HERC4: variants seen among roughly 807,000 people sequenced by gnomAD.
HERC4 encodes HECT and RLD domain containing E3 ubiquitin protein ligase 4.
In HERC4, 28 loss-of-function variants were observed where a neutral mutation model predicts 124.3. The ratio of observed to expected loss-of-function variants is 0.23; its 90% confidence interval spans 0.17 to 0.31. HERC4 has a LOEUF of 0.31. Ranked by LOEUF, HERC4 falls within the 10% of genes least tolerant of loss-of-function variation. HERC4 has a pLI of 1.00. For synonymous variants in HERC4, 407 were observed against 421.5 expected (o/e 0.97, Z 0.42); for missense variants, 713 against 1,229.3 (o/e 0.58, Z 6.28).
chr10:68,006,624 C>T (rs375527797), intron 9 of HERC4, among the ~76,000 whole-genome samples: 2 of 151,962 alleles, frequency 1.3e-5, no homozygotes, highest in Non-Finnish European at 1.5e-5. Flanking sequence ...GTGATCTGCC[C>T]GCCTCAGCCT....
At chr10:68,018,669 T>C (rs1055826855) in intron 8 of HERC4, among the ~76,000 whole-genome samples, 1 of 152,144 alleles carries the variant, frequency 6.6e-6, no homozygotes, top group Non-Finnish European at 1.5e-5. Flanking sequence ...TACATGCCAG[T>C]GATTCCTCAG....
intron 15 of HERC4, among the ~76,000 whole-genome samples, chr10:67,981,979 A>G (rs2035959984): frequency 6.6e-6 from 1 of 152,188 alleles, no homozygotes. Context: ...AAGAAATTGA[A>G]GAGGACACAA....
At chr10:67,983,364 G>T (rs1474146217) in intron 15 of HERC4, among the ~76,000 whole-genome samples, 1 of 152,164 alleles carries the variant, frequency 6.6e-6, no homozygotes, top group Non-Finnish European at 1.5e-5. Context: ...CAATCCCACT[G>T]CTGAGGAGCT....
intron 9 of HERC4, chr10:68,010,688 C>A: frequency 6.8e-7 from 1 of 1,479,672 alleles, no homozygotes; most frequent in African/African-American, 1.4e-5. Context: ...GCGCCGCTTA[C>A]ACATGTTCTT....
rs979940510 is a variant in HERC4 at position 67,988,645 on chromosome 10, A to G, written c.1806+18T>C. 7.0e-7 allele frequency: 1 copy of G among 1,431,934 alleles called. No individual in the cohort carries two copies. The allele number at this position is 1,431,934 out of a possible 1,614,324, so 88.7% of individuals were successfully genotyped here. On this transcript the variant is annotated intron_variant, in intron 15 of 24. Transcript: ENST00000373700. ...TAGGAATGGGGAAAGAGGAAAATAA[A>G]GGAATGATTGGACATACCCTATGTA...
chr10:68,069,492 G>C (rs2041462720), intron 3 of HERC4: 10 of 985,294 alleles, frequency 1.0e-5, no homozygotes, highest in Admixed American at 6.1e-5. Flanking sequence ...AAATCTTTCT[G>C]TGTGGTCCCT....
At chr10:68,012,607 C>T (rs2038027465) in intron 9 of HERC4, among the ~76,000 whole-genome samples, 1 of 151,984 alleles carries the variant, frequency 6.6e-6, no homozygotes, top group South Asian at 2.1e-4. Context: ...TCATGGCACC[C>T]CAAAACAATT....
At chr10:67,954,822 CTA>C in intron 18 of HERC4, 84 bp from the exon 19 acceptor site, 1 of 1,284,292 alleles carries the variant, frequency 7.8e-7, no homozygotes, top group Non-Finnish European at 1.1e-6. Context: ...TTATTTATTA[CTA>C]ATACTCTACA....
At chr10:67,962,173 C>T (rs1478878065) in intron 16 of HERC4, among the ~76,000 whole-genome samples, 3 of 150,940 alleles carry the variant, frequency 2.0e-5, no homozygotes, top group Non-Finnish European at 4.4e-5. Context: ...CAATATTCCT[C>T]TTGTAGGACA....
At chr10:68,007,630 T>C (rs943254310) in intron 9 of HERC4, 4 of 152,218 alleles carry the variant, frequency 2.6e-5, no homozygotes, top group African/African-American at 4.8e-5. Flanking sequence ...TCAAAAGGAA[T>C]TGAGTGTAAT....
intron 15 of HERC4, among the ~76,000 whole-genome samples, chr10:67,980,526 A>T (rs1401301234): frequency 6.6e-6 from 1 of 152,210 alleles, no homozygotes; most frequent in African/African-American, 2.4e-5. Context: ...GAGGTCTTCA[A>T]TCTGAAAGAA....
intron 3 of HERC4, among the ~76,000 whole-genome samples, chr10:68,065,998 C>G (rs2041283885): frequency 6.6e-6 from 1 of 151,480 alleles, no homozygotes; most frequent in African/African-American, 2.4e-5. Context: ...AAAAAAAATC[C>G]AGGGGAACAG....
intron 8 of HERC4, among the ~76,000 whole-genome samples, chr10:68,019,754 G>A (rs1424259868): frequency 6.6e-6 from 1 of 152,172 alleles, no homozygotes; most frequent in Non-Finnish European, 1.5e-5. Context: ...GCCATGAACA[G>A]CTTCCAGGAG....
intron 15 of HERC4, among the ~76,000 whole-genome samples, chr10:67,976,105 G>A (rs2035573436): frequency 6.6e-6 from 1 of 151,776 alleles, no homozygotes. Context: ...CAGTGGAGTT[G>A]AGAGTTGACT....
Position 68,006,580 on chromosome 10 carries a change from G to A in HERC4, c.1069+7446C>T, listed in dbSNP as rs181179542. 4.6e-5 allele frequency among the ~76,000 whole-genome samples: 7 copies of A among 151,880 alleles called. No individual in the cohort carries two copies. In the East Asian group the frequency reaches 9.7e-4, roughly 21 times the overall value. On this transcript the variant is annotated intron_variant, in intron 9 of 24. Coordinates refer to ENST00000373700, the MANE Select transcript of HERC4 (RefSeq NM_015601.4). The stretch of plus-strand genomic sequence containing the variant: ...TTTAGTAGAGATGGGGTTTTGCCAC[G>A]TTGGCCAGGCTAGTCTCAAACTCCT...
chr10:68,018,455 G>A (rs1320217937), intron 8 of HERC4, among the ~76,000 whole-genome samples: 1 of 152,052 alleles, frequency 6.6e-6, no homozygotes, highest in Non-Finnish European at 1.5e-5. Context: ...CCCACAGAAA[G>A]GAAACATTAT....
intron 3 of HERC4, among the ~76,000 whole-genome samples, chr10:68,072,122 T>G (rs931496639): frequency 6.6e-6 from 1 of 152,196 alleles, no homozygotes; most frequent in African/African-American, 2.4e-5. Flanking sequence ...ATTTACCACC[T>G]GAAATCATTA....
At chr10:68,057,862 G>C (rs1249400881) in intron 3 of HERC4, among the ~76,000 whole-genome samples, 1 of 151,884 alleles carries the variant, frequency 6.6e-6, no homozygotes, top group Admixed American at 6.6e-5. Context: ...ACCACACCCA[G>C]CTAATTTTTT....
At chr10:68,059,899 ATATTAT>A (rs1278298940) in intron 3 of HERC4, among the ~76,000 whole-genome samples, 11 of 75,156 alleles carry the variant, frequency 1.5e-4, no homozygotes, top group South Asian at 4.1e-4. Flanking sequence ...ATAATATTAT[ATATTAT>A]ATAATATTAT....
Sources: gnomAD v4.1 joint callset for allele counts (sites outside exome capture counted in the v4.1 genomes callset) on GRCh38, gnomAD v4.1.1 for gene constraint, MANE v1.5 for transcripts, NCBI Gene and HGNC (gene_info 2026-07-23, HGNC 2026-07-21) for gene names.